Variants in ENTREP2 observed in about 807,000 individuals in gnomAD.
ENTREP2 encodes the protein endosomal transmembrane epsin interactor 2.
chr15:29,602,833 T>G, the ENTREP2 span, among the ~76,000 whole-genome samples: 1,649 of 152,278 alleles, frequency 0.011, 24 homozygotes, highest in African/African-American at 0.037. Context: ...AGCTAAGTGA[T>G]CTGATCCACA....
At chr15:29,201,409 T>C in the ENTREP2 span, among the ~76,000 whole-genome samples, 1 of 152,230 alleles carries the variant, frequency 6.6e-6, no homozygotes, top group Non-Finnish European at 1.5e-5. Flanking sequence ...GCTGTAGGTC[T>C]TTTGTAGATG....
the ENTREP2 span, among the ~76,000 whole-genome samples, chr15:29,624,665 C>T: frequency 6.6e-6 from 1 of 152,114 alleles, no homozygotes; most frequent in Non-Finnish European, 1.5e-5. Flanking sequence ...TTTTACAAAA[C>T]TATTTATTTC....
At chr15:29,306,979 A>G in the ENTREP2 span, among the ~76,000 whole-genome samples, 1 of 151,950 alleles carries the variant, frequency 6.6e-6, no homozygotes, top group Non-Finnish European at 1.5e-5. Context: ...ATCTCCTGAG[A>G]TCAGGCAATC....
At chr15:29,123,170 G>T in the ENTREP2 span, 1 of 655,568 alleles carries the variant, frequency 1.5e-6, no homozygotes. Flanking sequence ...CCTCGAGAGA[G>T]GGGGTAACAG....
the ENTREP2 span, among the ~76,000 whole-genome samples, chr15:29,656,811 T>C: frequency 6.6e-6 from 1 of 152,170 alleles, no homozygotes; most frequent in African/African-American, 2.4e-5. Flanking sequence ...AAGTTAAGCA[T>C]GTACTTACCC....
At chr15:29,229,963 T>TAAAAA in the ENTREP2 span, among the ~76,000 whole-genome samples, 3 of 150,136 alleles carry the variant, frequency 2.0e-5, no homozygotes, top group Non-Finnish European at 3.0e-5. Context: ...AACTTAACAT[T>TAAAAA]AAAAAAAAAA....
chr15:29,123,629 C>T, the ENTREP2 span: 2 of 1,550,076 alleles, frequency 1.3e-6, no homozygotes, highest in Non-Finnish European at 1.7e-6. Flanking sequence ...GCCCGACAGG[C>T]AGCCGTGGCA....
the ENTREP2 span, among the ~76,000 whole-genome samples, chr15:29,674,134 G>GGGC: frequency 3.3e-5 from 5 of 149,816 alleles, no homozygotes; most frequent in African/African-American, 1.2e-4. Flanking sequence ...AGGATGGGGG[G>GGGC]GGGGGGGGGC....
chr15:29,224,530 G>A, the ENTREP2 span, among the ~76,000 whole-genome samples: 2 of 152,118 alleles, frequency 1.3e-5, no homozygotes, highest in African/African-American at 4.8e-5. Context: ...TTGACAGGAT[G>A]CTGATTGGTG....
chr15:29,620,769 CCT>C, the ENTREP2 span, among the ~76,000 whole-genome samples: 3 of 152,240 alleles, frequency 2.0e-5, no homozygotes, highest in East Asian at 1.9e-4. Context: ...GCCACTGTCC[CCT>C]GTCCCAGAGG....
chr15:29,652,249 C>T, the ENTREP2 span, among the ~76,000 whole-genome samples: 1 of 152,188 alleles, frequency 6.6e-6, no homozygotes. Context: ...AGAGGGGCCA[C>T]CCACCCCAGG....
the ENTREP2 span, among the ~76,000 whole-genome samples, chr15:29,366,222 T>G: frequency 1.3e-5 from 2 of 152,088 alleles, no homozygotes; most frequent in African/African-American, 4.8e-5. Context: ...TACAGGTTCA[T>G]GCCACCAGGC....
chr15:29,240,145 C>T, the ENTREP2 span, among the ~76,000 whole-genome samples: 12 of 152,086 alleles, frequency 7.9e-5, no homozygotes, highest in Admixed American at 7.9e-4. Context: ...GGCGGATCAC[C>T]TGAGGTCGGG....
chr15:29,364,261 G>A, the ENTREP2 span, among the ~76,000 whole-genome samples: 2 of 152,130 alleles, frequency 1.3e-5, no homozygotes, highest in Non-Finnish European at 2.9e-5. Context: ...TATATTTTAA[G>A]GTCTCAGGTA....
At chr15:29,296,289 G>A in the ENTREP2 span, among the ~76,000 whole-genome samples, 4 of 152,172 alleles carry the variant, frequency 2.6e-5, no homozygotes, top group Non-Finnish European at 5.9e-5. Context: ...TGGAGGTGAT[G>A]AGAAATAGTT....
At chr15:29,241,313 C>A in the ENTREP2 span, among the ~76,000 whole-genome samples, 2 of 152,096 alleles carry the variant, frequency 1.3e-5, no homozygotes, top group Non-Finnish European at 2.9e-5. Flanking sequence ...TGAAATGGAA[C>A]TTTGAGTAGG....
At chr15:29,637,683 T>C in the ENTREP2 span, among the ~76,000 whole-genome samples, 2 of 152,116 alleles carry the variant, frequency 1.3e-5, no homozygotes, top group Admixed American at 1.3e-4. Flanking sequence ...TTCAGGGGCA[T>C]CCTCCAGGGT....
At chr15:29,355,084 A>T in the ENTREP2 span, among the ~76,000 whole-genome samples, 4 of 151,950 alleles carry the variant, frequency 2.6e-5, no homozygotes, top group Non-Finnish European at 5.9e-5. Flanking sequence ...TCTCTCACCA[A>T]AGGCCACCCC....
At chr15:29,490,496 T>G in the ENTREP2 span, among the ~76,000 whole-genome samples, 1 of 152,194 alleles carries the variant, frequency 6.6e-6, no homozygotes, top group Admixed American at 6.5e-5. Context: ...TACAGAGAGC[T>G]GACTGGTCCA....
Sources: allele counts gnomAD v4.1 joint callset (sites outside exome capture counted in the v4.1 genomes callset), GRCh38; gene constraint gnomAD v4.1.1; transcripts MANE v1.5; gene names NCBI Gene and HGNC (gene_info 2026-07-23, HGNC 2026-07-21).